The following DOCK8 variants were observed in gnomAD, a reference collection of about 807,000 sequenced individuals.
DOCK8 encodes dedicator of cytokinesis protein 8.
DOCK8 carries 141 observed loss-of-function variants against 245.6 expected under a neutral mutation model. The observed-to-expected ratio is 0.57, with a 90% CI of 0.50 to 0.66. The LOEUF (loss-of-function observed/expected upper bound fraction) is 0.66, where lower values mean the gene tolerates loss of function less well. DOCK8 is among the 30% of genes least tolerant of loss of function. The probability of loss-of-function intolerance (pLI) is 0.00; values close to 1 mark genes in which losing one functional copy is unlikely to be tolerated. For missense variants in DOCK8, 2,965 were observed against 2,603.4 expected (o/e 1.14, Z -3.02); for synonymous variants, 1,168 against 970.2 (o/e 1.20, Z -3.79).
intron 13 of DOCK8, 45 bp downstream of exon 13, chr9:339,144 C>T: frequency 6.6e-7 from 1 of 1,508,152 alleles, no homozygotes; most frequent in Non-Finnish European, 9.2e-7. Flanking sequence ...GCCAAAACTG[C>T]TTATCGTTAG....
At chr9:280,829 A>T (rs1002764310) in intron 2 of DOCK8, 1 of 152,224 alleles carries the variant, frequency 6.6e-6, no homozygotes, top group Non-Finnish European at 1.5e-5. Context: ...ACCCTGTCTG[A>T]AAACATACTG....
intron 14 of DOCK8, among the ~76,000 whole-genome samples, chr9:349,538 T>G (rs891575381): frequency 7.9e-5 from 12 of 152,238 alleles, no homozygotes; most frequent in African/African-American, 2.9e-4. Context: ...AGCCTATTTC[T>G]TATCTTTCCC....
Position 444,335 on chromosome 9 carries a change from AAAT to A in DOCK8, c.5580+847_5580+849del, listed in dbSNP as rs139606153. Among the ~76,000 whole-genome samples the A allele has an allele frequency of 4.1e-4, 59 of 143,610 alleles. 1 individual carries two copies. The highest frequency in any genetic ancestry group is 9.3e-4 in the African/African-American group (37 of 39,598). The allele number at this position is 143,610 out of a possible 152,430, so 94.2% of individuals were successfully genotyped here. ...GCTTGAAAATAGGAGAAAACAAAGC[AAAT>A]AATAATAATAATAATAATAATAATA... On this transcript the variant is annotated intron_variant, in intron 43 of 47. Coordinates refer to ENST00000432829, the MANE Select transcript of DOCK8 (RefSeq NM_203447.4).
chr9:272,920 A>T (rs778756321), intron 2 of DOCK8: 1 of 448,580 alleles, frequency 2.2e-6, no homozygotes, highest in African/African-American at 2.1e-5. Context: ...CACACAGCAC[A>T]GCAGCACTCT....
chr9:301,640 C>T (rs894279073), intron 4 of DOCK8, among the ~76,000 whole-genome samples: 5 of 152,196 alleles, frequency 3.3e-5, no homozygotes, highest in African/African-American at 9.6e-5. Flanking sequence ...TGATAAACAA[C>T]TTCAGTAAAG....
upstream of DOCK8, among the ~76,000 whole-genome samples, chr9:211,342 A>G (rs1388511106): frequency 6.6e-6 from 1 of 152,118 alleles, no homozygotes; most frequent in Non-Finnish European, 1.5e-5. Context: ...GGTTTTGTGA[A>G]GTGGGCATAC....
intron 1 of DOCK8, among the ~76,000 whole-genome samples, chr9:230,800 C>G (rs982005635): frequency 6.6e-6 from 1 of 151,760 alleles, no homozygotes; most frequent in East Asian, 1.9e-4. Context: ...TCTGGATATT[C>G]GCCCTTTGTC....
intron 2 of DOCK8, among the ~76,000 whole-genome samples, chr9:280,593 T>C (rs1040257529): frequency 2.6e-5 from 4 of 152,326 alleles, no homozygotes; most frequent in South Asian, 2.1e-4. Flanking sequence ...CTCTACCTTC[T>C]TAGAAAAGGC....
intron 4 of DOCK8, among the ~76,000 whole-genome samples, chr9:296,874 C>G (rs1397894647): frequency 6.6e-6 from 1 of 152,190 alleles, no homozygotes; most frequent in Admixed American, 6.5e-5. Context: ...CTAAGACTCT[C>G]CAGGCTCTGT....
At chr9:266,195 A>T (rs1332726674) in intron 1 of DOCK8, among the ~76,000 whole-genome samples, 1 of 152,152 alleles carries the variant, frequency 6.6e-6, no homozygotes, top group Admixed American at 6.5e-5. Flanking sequence ...AGAATTAGTA[A>T]CGCCTTCCTC....
At chr9:327,880 C>T in intron 8 of DOCK8, 142 bp from the exon 9 acceptor site, 1 of 758,128 alleles carries the variant, frequency 1.3e-6, no homozygotes, top group Non-Finnish European at 2.3e-6. Context: ...TATCCAGGAG[C>T]CACTTTCCTA....
At chr9:226,982 C>T (rs2047003697) in intron 1 of DOCK8, among the ~76,000 whole-genome samples, 1 of 152,102 alleles carries the variant, frequency 6.6e-6, no homozygotes, top group Non-Finnish European at 1.5e-5. Context: ...ATATGCATAA[C>T]TCTCTGCAGA....
chr9:214,799 C>T, upstream of DOCK8: 1 of 1,582,546 alleles, frequency 6.3e-7, no homozygotes, highest in Non-Finnish European at 8.6e-7. Context: ...CTGCTCCGAG[C>T]TCGGACCCTC....
intron 14 of DOCK8, among the ~76,000 whole-genome samples, chr9:363,928 A>G (rs2052853628): frequency 6.6e-6 from 1 of 152,164 alleles, no homozygotes; most frequent in Non-Finnish European, 1.5e-5. Context: ...TACTGTTATG[A>G]TTTACACAGT....
At chr9:255,717 A>G (rs2047757317) in intron 1 of DOCK8, among the ~76,000 whole-genome samples, 1 of 150,578 alleles carries the variant, frequency 6.6e-6, no homozygotes, top group South Asian at 2.1e-4. Flanking sequence ...TTTACCGTAC[A>G]TAACTTTACC....
rs138112471 is a variant in DOCK8 at position 419,918 on chromosome 9, A to G, written c.3841-483A>G. 5.0e-3 allele frequency among the ~76,000 whole-genome samples: 755 copies of G among 152,358 alleles called. 8 individuals carry two copies. Among genetic ancestry groups the G allele is most frequent in the African/African-American group, 0.017 (721 of 41,584 alleles). ...TCATGACCCTTATGTTATACTTTGCACTATGTAACAAAGAAGCTAAATCTT... is the reference window on the plus strand; with the variant it reads ...TCATGACCCTTATGTTATACTTTGCGCTATGTAACAAAGAAGCTAAATCTT... On this transcript the variant is annotated intron_variant, in intron 30 of 47. Coordinates refer to ENST00000432829, the MANE Select transcript of DOCK8 (RefSeq NM_203447.4).
intron 7 of DOCK8, among the ~76,000 whole-genome samples, chr9:323,152 T>C (rs975706429): frequency 7.0e-6 from 1 of 142,362 alleles, no homozygotes; most frequent in Admixed American, 7.0e-5. Context: ...ATAGAAAGAA[T>C]AATCATAGAA....
At chr9:268,197 C>T (rs1325262507) in intron 1 of DOCK8, 1 of 152,152 alleles carries the variant, frequency 6.6e-6, no homozygotes, top group Non-Finnish European at 1.5e-5. Context: ...TCACTATTTT[C>T]ATTTTAAGGA....
intron 28 of DOCK8, among the ~76,000 whole-genome samples, chr9:413,089 G>C (rs962743021): frequency 2.0e-4 from 30 of 152,246 alleles, no homozygotes; most frequent in Middle Eastern, 3.4e-3. Flanking sequence ...TGGGTTAAGA[G>C]TCCAAAAATA....
Sources: allele counts gnomAD v4.1 joint callset (sites outside exome capture counted in the v4.1 genomes callset), GRCh38; gene constraint gnomAD v4.1.1; transcripts MANE v1.5; gene names NCBI Gene and HGNC (gene_info 2026-07-23, HGNC 2026-07-21).